Variants in REDIC1 observed in about 807,000 individuals in gnomAD.
The protein encoded by REDIC1 is regulator of DNA class I crossover intermediates 1.
chr12:39,693,364 G>T, the REDIC1 span, among the ~76,000 whole-genome samples: 1 of 149,958 alleles, frequency 6.7e-6, no homozygotes, highest in Non-Finnish European at 1.5e-5. Context: ...TAAAATACTA[G>T]TCTGGTTTCT....
the REDIC1 span, chr12:39,641,074 A>G: frequency 1.2e-5 from 13 of 1,122,420 alleles, no homozygotes; most frequent in African/African-American, 1.2e-4. Flanking sequence ...TAATACATTC[A>G]CCTAAGTGAA....
chr12:39,855,119 C>G, the REDIC1 span, among the ~76,000 whole-genome samples: 2 of 152,272 alleles, frequency 1.3e-5, no homozygotes, highest in African/African-American at 4.8e-5. Flanking sequence ...TCTCCAAATA[C>G]CATTTACATT....
At chr12:39,632,376 G>A in the REDIC1 span, among the ~76,000 whole-genome samples, 2 of 152,108 alleles carry the variant, frequency 1.3e-5, no homozygotes, top group Non-Finnish European at 2.9e-5. Flanking sequence ...GGGATTATAG[G>A]CATGAGCCAC....
At chr12:39,678,390 G>A in the REDIC1 span, among the ~76,000 whole-genome samples, 9 of 151,824 alleles carry the variant, frequency 5.9e-5, no homozygotes, top group Non-Finnish European at 1.2e-4. Flanking sequence ...AAACCAGGAA[G>A]AAATAGAAAC....
chr12:39,707,527 A>G, the REDIC1 span, among the ~76,000 whole-genome samples: 2 of 152,018 alleles, frequency 1.3e-5, no homozygotes, highest in African/African-American at 4.8e-5. Flanking sequence ...AAAAGAAAGG[A>G]AATCAGTATA....
the REDIC1 span, among the ~76,000 whole-genome samples, chr12:39,750,612 T>G: frequency 4.7e-4 from 72 of 152,336 alleles, no homozygotes; most frequent in African/African-American, 1.5e-3. Context: ...AAGTCGATCC[T>G]AAGCCAAAAG....
the REDIC1 span, among the ~76,000 whole-genome samples, chr12:39,712,168 G>GTATATATACCTGTATGTATATGTACATT: frequency 1.4e-5 from 2 of 139,996 alleles, no homozygotes. Flanking sequence ...ATATGTACAT[G>GTATATATACCTGTATGTATATGTACATT]TATATATACC....
the REDIC1 span, among the ~76,000 whole-genome samples, chr12:39,743,054 G>A: frequency 6.1e-5 from 3 of 48,936 alleles, no homozygotes; most frequent in African/African-American, 9.3e-5. Context: ...TTTATAGAGT[G>A]ACGATGGGAG....
chr12:39,851,720 CAGCTGCT>C, the REDIC1 span, among the ~76,000 whole-genome samples: 2 of 152,194 alleles, frequency 1.3e-5, no homozygotes, highest in African/African-American at 4.8e-5. Context: ...TTTGTATTAT[CAGCTGCT>C]TAGCAATATG....
chr12:39,850,698 G>T, the REDIC1 span, among the ~76,000 whole-genome samples: 1 of 152,070 alleles, frequency 6.6e-6, no homozygotes, highest in African/African-American at 2.4e-5. Flanking sequence ...ATATGAATAA[G>T]GATGATAATA....
the REDIC1 span, chr12:39,721,380 G>C: frequency 1.4e-6 from 1 of 736,978 alleles, no homozygotes; most frequent in African/African-American, 1.8e-5. Context: ...CAGTGTTCAG[G>C]GTGTATATTC....
the REDIC1 span, among the ~76,000 whole-genome samples, chr12:39,843,062 A>C: frequency 6.6e-6 from 1 of 152,034 alleles, no homozygotes; most frequent in Admixed American, 6.6e-5. Context: ...TTTATAAAAA[A>C]AACTGTTGCT....
At chr12:39,852,520 G>T in the REDIC1 span, among the ~76,000 whole-genome samples, 1,305 of 152,314 alleles carry the variant, frequency 8.6e-3, 11 homozygotes, top group Middle Eastern at 0.014. Context: ...CAAACCTGTG[G>T]CTGCCCATTG....
At chr12:39,646,717 C>A in the REDIC1 span, 5 of 625,142 alleles carry the variant, frequency 8.0e-6, no homozygotes, top group South Asian at 2.8e-5. Context: ...ATATTATGAC[C>A]CTGTAGTGAT....
chr12:39,658,708 CTT>C, the REDIC1 span, among the ~76,000 whole-genome samples: 1 of 152,014 alleles, frequency 6.6e-6, no homozygotes, highest in East Asian at 1.9e-4. Context: ...CTTTTCATCT[CTT>C]TGTTTATTAG....
the REDIC1 span, among the ~76,000 whole-genome samples, chr12:39,846,005 T>G: frequency 2.6e-5 from 4 of 152,154 alleles, no homozygotes; most frequent in Non-Finnish European, 5.9e-5. Flanking sequence ...GGTATTACTT[T>G]GTAAGTGCTC....
chr12:39,712,638 C>T, the REDIC1 span, among the ~76,000 whole-genome samples: 548 of 142,076 alleles, frequency 3.9e-3, 2 homozygotes, highest in African/African-American at 0.013. Flanking sequence ...TATGTATACA[C>T]ATTTATATTT....
chr12:39,795,119 A>G, the REDIC1 span, among the ~76,000 whole-genome samples: 6 of 152,002 alleles, frequency 3.9e-5, no homozygotes, highest in East Asian at 9.7e-4. Flanking sequence ...TCCCCATTCT[A>G]TCTTTCTAGA....
chr12:39,711,140 G>A, the REDIC1 span, among the ~76,000 whole-genome samples: 4 of 151,000 alleles, frequency 2.6e-5, no homozygotes, highest in Non-Finnish European at 4.4e-5. Context: ...GAGAACATAC[G>A]GTTTGGTTTC....
Sources: allele counts gnomAD v4.1 joint callset (sites outside exome capture counted in the v4.1 genomes callset), GRCh38; gene constraint gnomAD v4.1.1; transcripts MANE v1.5; gene names NCBI Gene and HGNC (gene_info 2026-07-23, HGNC 2026-07-21).